CROCC2: variants seen among roughly 807,000 people sequenced by gnomAD.
CROCC2 encodes ciliary rootlet coiled-coil protein 2.
Under a neutral mutation model 177.6 loss-of-function variants are expected in CROCC2, and 163 were observed. The observed-to-expected ratio is 0.92, with a 90% confidence interval of 0.81 to 1.05. The LOEUF (loss-of-function observed/expected upper bound fraction) is 1.05, where lower values mean the gene tolerates loss of function less well. Ranked by LOEUF, CROCC2 falls within the 50% of genes least tolerant of loss-of-function variation. The pLI, the probability that CROCC2 is intolerant of heterozygous loss-of-function variation, is 0.00. For synonymous variants in CROCC2, 904 were observed against 787.3 expected, an observed-to-expected ratio of 1.15 and a Z score of -2.48; for missense variants, 1,929 against 1,797.8, an observed-to-expected ratio of 1.07 and a Z score of -1.32.
intron 4 of CROCC2, among the ~76,000 whole-genome samples, chr2:240,923,474 C>T: frequency 8.1e-6 from 1 of 122,852 alleles, no homozygotes; most frequent in South Asian, 3.1e-4. Flanking sequence ...AACCCAGCCC[C>T]CCACACTAAC....
At chr2:240,981,121 G>C (rs4675838) in intron 27 of CROCC2, among the ~76,000 whole-genome samples, 34,214 of 102,102 alleles carry the variant, frequency 0.34, 7,888 homozygotes, top group East Asian at 0.52. Flanking sequence ...AGGAGCCTCA[G>C]GATCCCAGGC....
Position 240,925,856 on chromosome 2 carries a change from G to C in CROCC2, c.621G>C (p.Glu207Asp). ...GSVQRLQGEL[E>D]LRRWAQRQTR... ...TGCAGCGCCTGCAGGGCGAGCTGGA[G>C]CTGAGGCGCTGGGCCCAGAGACAGG... The change falls in exon 5 of 32, where the codon GAG becomes GAC. Residue 207 changes from glutamate (E) to aspartate (D), a missense_variant. Coordinates refer to ENST00000690015, the MANE Select transcript of CROCC2 (RefSeq NM_001351305.2). 1 of 714,516 alleles carries C rather than the reference G, an allele frequency of 1.4e-6. No homozygotes were observed. The highest frequency in any genetic ancestry group is 1.5e-5 in the South Asian group (1 of 67,384). The allele number at this position is 714,516 out of a possible 1,614,324, so 44.3% of individuals were successfully genotyped here. A position where few individuals can be genotyped will look rare whatever the true frequency, so the allele number is the denominator to read the frequency against.
rs549987654 is a variant in CROCC2, at chr2:240,943,931, G to A, written c.2170-2129G>A. 1.3e-4 allele frequency among the ~76,000 whole-genome samples: 20 copies of A among 152,266 alleles called. No individual in the cohort carries two copies. In the South Asian group the frequency reaches 3.1e-3, roughly 24 times the overall value. On this transcript the variant is annotated intron_variant, in intron 14 of 31. Transcript: ENST00000690015. ...GCCTGAACACCTGGGACCTGACTGC[G>A]TTAGTATCTCTCTAATGCTTTTAAA...
At position 240,973,965 on chromosome 2, in the gene CROCC2, T is replaced by G. The variant is rs1303455329; in HGVS notation, c.4401+5703T>G. Reference sequence around the variant, plus strand: ...ATACACTTTAATTCCCTTTCCAATCTCTTTTCTGTCAAGGGTCTGCTTTCG... The same window carrying G: ...ATACACTTTAATTCCCTTTCCAATCGCTTTTCTGTCAAGGGTCTGCTTTCG... On this transcript the variant is annotated intron_variant, in intron 27 of 31. Transcript: ENST00000690015. The surrounding 1 kb of genome is among the most constrained non-coding windows in gnomAD (Gnocchi z 4.7). 6.6e-6 allele frequency among the ~76,000 whole-genome samples: 1 copy of G among 152,204 alleles called. No individual in the cohort carries two copies. Among genetic ancestry groups the G allele is most frequent in the African/African-American group, 2.4e-5 (1 of 41,456 alleles).
At chr2:240,976,101 A>G (rs1238182840) in intron 27 of CROCC2, among the ~76,000 whole-genome samples, 1 of 152,210 alleles carries the variant, frequency 6.6e-6, no homozygotes, top group Non-Finnish European at 1.5e-5. Flanking sequence ...GGGGAGACTG[A>G]CACTGCAGCC....
At chr2:240,934,309 G>T in intron 11 of CROCC2, 22 bp from the exon 12 acceptor site, 2 of 1,547,066 alleles carry the variant, frequency 1.3e-6, no homozygotes, top group South Asian at 2.4e-5. Context: ...GCGACCTCCC[G>T]CCCTCTGGTC....
rs142188529 is a variant in CROCC2 at position 240,972,762 on chromosome 2, C to A, written c.4401+4500C>A. Among the ~76,000 whole-genome samples the A allele has an allele frequency of 3.3e-5, 5 of 152,198 alleles. No homozygotes were observed. The highest frequency in any genetic ancestry group is 3.4e-3 in the Middle Eastern group (1 of 294). Reference sequence around the variant, plus strand: ...ACCCATTTTTAGGCCAAGTTGGTCTCATCTGCCCTCGGGAGTCCTCCAAGT... The same window carrying A: ...ACCCATTTTTAGGCCAAGTTGGTCTAATCTGCCCTCGGGAGTCCTCCAAGT... On this transcript the variant is annotated intron_variant, in intron 27 of 31. Transcript: ENST00000690015. The surrounding 1 kb of genome is among the most constrained non-coding windows in gnomAD (Gnocchi z 7.1).
chr2:240,988,982 G>A (rs1428940541), intron 29 of CROCC2, 112 bp downstream of exon 29: 8 of 1,130,638 alleles, frequency 7.1e-6, no homozygotes, highest in Middle Eastern at 3.2e-4. Flanking sequence ...CATCTCACAC[G>A]TGCACACATG....
chr2:240,930,041 G>A (rs962554255), intron 5 of CROCC2, 125 bp from the exon 6 acceptor site: 5 of 525,628 alleles, frequency 9.5e-6, no homozygotes, highest in Non-Finnish European at 1.8e-5. Context: ...TGAGATATGG[G>A]GGCTTTGGGA....
At chr2:240,926,082 CT>C (rs2059393933) in intron 5 of CROCC2, among the ~76,000 whole-genome samples, 1 of 152,242 alleles carries the variant, frequency 6.6e-6, no homozygotes, top group African/African-American at 2.4e-5. Context: ...TGGTCCACCC[CT>C]ACTGCCCCCC....
At chr2:240,934,498 C>A (rs1320956953) in intron 12 of CROCC2, 23 bp downstream of exon 12, 1 of 1,542,560 alleles carries the variant, frequency 6.5e-7, no homozygotes, top group East Asian at 2.5e-5. Context: ...CCCCACAACC[C>A]CGCCCCCTCT....
intron 1 of CROCC2, among the ~76,000 whole-genome samples, chr2:240,910,261 C>T (rs576196861): frequency 2.1e-5 from 3 of 145,460 alleles, no homozygotes; most frequent in African/African-American, 5.0e-5. Context: ...TGCCCTTCCT[C>T]GGAATCTCCA....
In CROCC2 at chr2:240,949,409, C is replaced by T. The variant is rs1391735912; in HGVS notation, c.2483-124C>T. On this transcript the variant is annotated intron_variant, in intron 16 of 31. Transcript: ENST00000690015. This position sits in a 1 kb window ranked among gnomAD's most constrained non-coding sequence, Gnocchi z 4.5. ...CTCAGCCCACCCTGCCATGTGCTGG[C>T]CACCCACTCCCGGAGCCTGGAGTGG... 8.1e-7 allele frequency: 1 copy of T among 1,240,518 alleles called. No homozygotes were observed. The highest frequency in any genetic ancestry group is 1.1e-6 in the Non-Finnish European group (1 of 895,666). 76.8% of individuals were successfully genotyped at this position (1,240,518 alleles called of 1,614,324 possible).
intron 31 of CROCC2, among the ~76,000 whole-genome samples, chr2:240,991,496 C>T (rs970979517): frequency 2.0e-4 from 30 of 152,254 alleles, no homozygotes; most frequent in Non-Finnish European, 3.8e-4. Flanking sequence ...ACCGCCCGGG[C>T]CACCACTCAC....
chr2:240,964,469 T>C lies in CROCC2; in HGVS notation c.3309T>C (p.Phe1103=). The stretch of plus-strand genomic sequence containing the variant: ...CAGCCTGTGGCACCCTCGTCAGTTT[T>C]AAGCGGTCCAAGGAGGAGAAGGAGC... The part of the protein sequence containing the change: ...ICRAEQEKAS[F]KRSKEEKEQK... The change falls in exon 22 of 32, where the codon TTT becomes TTC. Residue 1103 remains phenylalanine, a synonymous_variant. Coordinates refer to ENST00000690015, the MANE Select transcript of CROCC2 (RefSeq NM_001351305.2). 1 of 1,548,486 alleles carries C rather than the reference T, an allele frequency of 6.5e-7. No homozygotes were observed.
At position 240,935,383 on chromosome 2, in the gene CROCC2, G is replaced by A. The variant is rs2059461837; in HGVS notation, c.1964G>A (p.Arg655Gln). The change falls in exon 14 of 32, where the codon CGG becomes CAG. Residue 655 changes from arginine to glutamine, a missense_variant. Arg to Gln is a conservative substitution (Grantham distance 43). This residue lies in a region of CROCC2 where 1,397 missense variants were observed against 1,239.9 expected (regional missense o/e 1.13). Transcript: ENST00000690015. ...LQLEQERDQL[R>Q]EQRKTLEQER... ...CTGGAGCAGGAGCGGGACCAGCTGC[G>A]GGAACAGCGGAAGACTCTGGAGCAG... is the stretch of plus-strand genomic sequence containing the variant. The A allele has an allele frequency of 6.6e-6, 9 of 1,360,998 alleles. No individual in the cohort carries two copies. The highest frequency in any genetic ancestry group is 1.9e-5 in the South Asian group (1 of 51,696). 84.3% of individuals were successfully genotyped at this position (1,360,998 alleles called of 1,614,324 possible).
chr2:240,909,400 G>A (rs1474903178), intron 1 of CROCC2, among the ~76,000 whole-genome samples: 2 of 152,354 alleles, frequency 1.3e-5, no homozygotes, highest in African/African-American at 4.8e-5. Context: ...CCTGGAGCTC[G>A]GCCAGCTCTG....
intron 14 of CROCC2, among the ~76,000 whole-genome samples, chr2:240,940,554 A>C (rs1251540672): frequency 6.6e-6 from 1 of 152,238 alleles, no homozygotes; most frequent in Non-Finnish European, 1.5e-5. Context: ...ACATAAGTCA[A>C]TAAATATGAT....
intron 20 of CROCC2, chr2:240,959,890 C>T (rs1005074112): frequency 3.6e-4 from 57 of 157,010 alleles, no homozygotes; most frequent in African/African-American, 1.3e-3. Context: ...TGCTGCCCTG[C>T]TTGTCCTGGG....
Sources: gnomAD v4.1 joint callset for allele counts (sites outside exome capture counted in the v4.1 genomes callset) on GRCh38, gnomAD v4.1.1 for gene constraint, gnomAD v4.1.1 regional missense constraint, Gnocchi (gnomAD v3.1) non-coding constraint, MANE v1.5 for transcripts, NCBI Gene and HGNC (gene_info 2026-07-23, HGNC 2026-07-21) for gene names.